XPR1: variants seen among roughly 807,000 people sequenced by gnomAD.
The protein encoded by XPR1 is solute carrier family 53 member 1.
A neutral mutation model predicts 87.5 loss-of-function variants in XPR1; 28 were observed. That is an observed-to-expected ratio of 0.32 (90% confidence interval 0.24 to 0.44). XPR1 has a LOEUF of 0.44. Among genes scored for constraint, XPR1 ranks in the 20% least tolerant of loss-of-function variants. The pLI, the probability that XPR1 is intolerant of heterozygous loss-of-function variation, is 1.00. For missense variants in XPR1, 559 were observed against 862.3 expected, an observed-to-expected ratio of 0.65 and a Z score of 4.41; for synonymous variants, 300 against 306.1, an observed-to-expected ratio of 0.98 and a Z score of 0.21.
chr1:180,804,318 T>C lies in XPR1; in HGVS notation c.447+707T>C, dbSNP rs935519466. Among the ~76,000 whole-genome samples the C allele has an allele frequency of 2.6e-5, 4 of 152,216 alleles. No homozygotes were observed. In the East Asian group the frequency reaches 5.8e-4, roughly 22 times the overall value. ...TCCTCCTAACCAATAGCAAAATTTC[T>C]ACAAAAGCTATCAGATAGTTAATTT... On this transcript the variant is annotated intron_variant, in intron 4 of 14. Transcript: ENST00000367590.
At chr1:180,850,622 T>C (rs1420971677) in intron 11 of XPR1, among the ~76,000 whole-genome samples, 1 of 152,180 alleles carries the variant, frequency 6.6e-6, no homozygotes, top group East Asian at 1.9e-4. Flanking sequence ...ATGTACTACC[T>C]GAAGCTTTCA....
rs767960347 is a variant in XPR1 at position 180,632,191 on chromosome 1, G to C, written c.-11G>C. 6.2e-7 allele frequency: 1 copy of C among 1,604,364 alleles called. No homozygotes were observed. Among genetic ancestry groups the C allele is most frequent in the South Asian group, 1.1e-5 (1 of 89,492 alleles). On this transcript the variant is annotated 5_prime_UTR_variant, in exon 1 of 15. Coordinates refer to ENST00000367590, the MANE Select transcript of XPR1 (RefSeq NM_004736.4). ...GCTGGACCCGAGTGGGAGTGAGGGG[G>C]AAACGGCAGGATGAAGTTCGCCGAG...
At chr1:180,712,799 C>CT (rs1657845313) in intron 2 of XPR1, among the ~76,000 whole-genome samples, 1 of 151,882 alleles carries the variant, frequency 6.6e-6, no homozygotes, top group African/African-American at 2.4e-5. Flanking sequence ...GAATGAGACT[C>CT]TGTCTCAAAA....
chr1:180,661,513 GTGTGT>G (rs1655778852), intron 1 of XPR1, among the ~76,000 whole-genome samples: 2 of 108,004 alleles, frequency 1.9e-5, no homozygotes, highest in Non-Finnish European at 4.1e-5. Flanking sequence ...GTGTGTGTGT[GTGTGT>G]GGTATGTTTT....
chr1:180,772,159 A>G (rs746540198), intron 2 of XPR1, among the ~76,000 whole-genome samples: 53 of 152,118 alleles, frequency 3.5e-4, no homozygotes, highest in Non-Finnish European at 6.9e-4. Context: ...TATGGATTAT[A>G]ATCTAGTACT....
chr1:180,741,752 G>A (rs1164449891), intron 2 of XPR1, among the ~76,000 whole-genome samples: 1 of 152,190 alleles, frequency 6.6e-6, no homozygotes, highest in Non-Finnish European at 1.5e-5. Flanking sequence ...CTTCCAAAGT[G>A]TTGGTATTAC....
At chr1:180,688,031 T>G (rs891703826) in intron 2 of XPR1, among the ~76,000 whole-genome samples, 2 of 150,990 alleles carry the variant, frequency 1.3e-5, no homozygotes, top group African/African-American at 4.9e-5. Flanking sequence ...GTGTTACAGA[T>G]TATACAGTAT....
intron 11 of XPR1, among the ~76,000 whole-genome samples, chr1:180,854,962 A>AGG (rs1651982060): frequency 6.6e-6 from 1 of 152,202 alleles, no homozygotes; most frequent in Non-Finnish European, 1.5e-5. Context: ...ATTTGTTGGA[A>AGG]GGTAAAGCAT....
chr1:180,827,938 G>A lies in XPR1; in HGVS notation c.1134+2594G>A, dbSNP rs1023573511. 2.7e-5 allele frequency among the ~76,000 whole-genome samples: 4 copies of A among 149,610 alleles called. No homozygotes were observed. In the East Asian group the frequency reaches 5.9e-4, roughly 22 times the overall value. ...ATTGCCCAGGCTGAAGTGCAGTGGC[G>A]TGATCTCAGCTCACTGCAACCTCCA... On this transcript the variant is annotated intron_variant, in intron 9 of 14. Transcript: ENST00000367590.
chr1:180,809,599 CA>C (rs1650136888), intron 6 of XPR1, among the ~76,000 whole-genome samples: 1 of 151,830 alleles, frequency 6.6e-6, no homozygotes, highest in Admixed American at 6.6e-5. Context: ...AAATTAGTTT[CA>C]AAAAATTAGG....
intron 6 of XPR1, among the ~76,000 whole-genome samples, chr1:180,808,307 C>T (rs1239984753): frequency 6.7e-6 from 1 of 149,900 alleles, no homozygotes; most frequent in Non-Finnish European, 1.5e-5. Flanking sequence ...AAAAAATGAG[C>T]TTTCATCCAT....
At chr1:180,670,128 G>A (rs12091297) in intron 1 of XPR1, among the ~76,000 whole-genome samples, 1 of 151,976 alleles carries the variant, frequency 6.6e-6, no homozygotes, top group African/African-American at 2.4e-5. Context: ...TGTGTCTTTA[G>A]ATCTAAAGTG....
intron 2 of XPR1, among the ~76,000 whole-genome samples, chr1:180,734,464 G>T (rs1658662587): frequency 6.6e-6 from 1 of 152,078 alleles, no homozygotes; most frequent in African/African-American, 2.4e-5. Flanking sequence ...ATGGGTGAGG[G>T]GTCTGGCATC....
chr1:180,717,974 A>C (rs1658054720), intron 2 of XPR1, among the ~76,000 whole-genome samples: 1 of 152,238 alleles, frequency 6.6e-6, no homozygotes, highest in South Asian at 2.1e-4. Flanking sequence ...AGTTTAAAAA[A>C]ATCTGTAGGA....
intron 2 of XPR1, among the ~76,000 whole-genome samples, chr1:180,706,156 T>G (rs891159690): frequency 1.3e-5 from 2 of 152,208 alleles, no homozygotes; most frequent in Non-Finnish European, 2.9e-5. Context: ...AAAGTTGGAC[T>G]TTATTTGGTA....
chr1:180,721,820 G>A (rs956872456), intron 2 of XPR1, among the ~76,000 whole-genome samples: 1 of 151,952 alleles, frequency 6.6e-6, no homozygotes, highest in Non-Finnish European at 1.5e-5. Context: ...TTTTTCTTAC[G>A]ACTTTCTTTT....
chr1:180,803,281 TTTC>T (rs1649862330), intron 3 of XPR1, 104 bp from the exon 4 acceptor site: 23 of 1,062,828 alleles, frequency 2.2e-5, no homozygotes, highest in Non-Finnish European at 3.1e-5. Flanking sequence ...ATGTAACGGT[TTTC>T]TTCTAGAAAT....
At chr1:180,778,253 G>A (rs1235296872) in intron 2 of XPR1, among the ~76,000 whole-genome samples, 1 of 152,058 alleles carries the variant, frequency 6.6e-6, no homozygotes, top group African/African-American at 2.4e-5. Context: ...CAAAGCACTG[G>A]GATTACAGGC....
At position 180,694,236 on chromosome 1, in the gene XPR1, G is replaced by A. The variant is rs118155784; in HGVS notation, c.121+11825G>A. Among the ~76,000 whole-genome samples the A allele has an allele frequency of 2.2e-4, 33 of 152,262 alleles. 2 individuals are homozygous for A. The East Asian group carries it at 6.4e-3, about 29-fold the overall frequency. On this transcript the variant is annotated intron_variant, in intron 2 of 14. Coordinates refer to ENST00000367590, the MANE Select transcript of XPR1 (RefSeq NM_004736.4). Reference sequence around the variant, plus strand: ...GGCCTCCCAAAGTGCTGGGATTATAGGCATGAGCTGCCATTCTCAGCCTAC... The same window carrying A: ...GGCCTCCCAAAGTGCTGGGATTATAAGCATGAGCTGCCATTCTCAGCCTAC...
Sources: allele counts gnomAD v4.1 joint callset (sites outside exome capture counted in the v4.1 genomes callset), GRCh38; gene constraint gnomAD v4.1.1; transcripts MANE v1.5; gene names NCBI Gene and HGNC (gene_info 2026-07-23, HGNC 2026-07-21).